TPTE2: variants seen among roughly 807,000 people sequenced by gnomAD.
TPTE2 encodes the protein transmembrane phosphoinositide 3-phosphatase and tensin homolog 2, also known as phosphatidylinositol 3,4,5-trisphosphate 3-phosphatase TPTE2.
Under a neutral mutation model 78.6 loss-of-function variants are expected in TPTE2, and 53 were observed. That is an observed-to-expected ratio of 0.67 (90% CI 0.54 to 0.85). The LOEUF is 0.85. TPTE2 is among the 40% of genes least tolerant of loss of function. The pLI is 0.00. For synonymous variants in TPTE2, 175 were observed against 206.2 expected (o/e 0.85, Z 1.30); for missense variants, 461 against 623.0 (o/e 0.74, Z 2.77).
chr13:19,480,894 T>C (rs148918132), intron 4 of TPTE2, among the ~76,000 whole-genome samples: 1 of 152,312 alleles, frequency 6.6e-6, no homozygotes, highest in Non-Finnish European at 1.5e-5. Context: ...GCCTCAAATA[T>C]ATTCATTTTT....
At chr13:19,430,854 T>C (rs2497228) in intron 16 of TPTE2, among the ~76,000 whole-genome samples, 143,376 of 152,202 alleles carry the variant, frequency 0.94, 68,148 homozygotes, top group East Asian at 1. Context: ...AGGCCGGGCA[T>C]GGTGGCTCAC....
At chr13:19,553,459 A>T in the TPTE2 span, among the ~76,000 whole-genome samples, 4 of 152,130 alleles carry the variant, frequency 2.6e-5, no homozygotes, top group African/African-American at 9.7e-5. Flanking sequence ...CCAAGAGATA[A>T]TACATGTCCA....
At chr13:19,525,027 T>G (rs552748230) in intron 1 of TPTE2, among the ~76,000 whole-genome samples, 1 of 152,266 alleles carries the variant, frequency 6.6e-6, no homozygotes, top group East Asian at 1.9e-4. Flanking sequence ...ATGATAATTT[T>G]GTTTTATGTA....
chr13:19,491,743 T>C (rs1433274893), intron 3 of TPTE2, among the ~76,000 whole-genome samples: 1 of 152,102 alleles, frequency 6.6e-6, no homozygotes, highest in Non-Finnish European at 1.5e-5. Flanking sequence ...GAAAATCGCT[T>C]GAACCCGGGA....
At chr13:19,451,843 G>GTGTGTA (rs1555249617) in intron 10 of TPTE2, among the ~76,000 whole-genome samples, 1,993 of 147,090 alleles carry the variant, frequency 0.014, 60 homozygotes, top group East Asian at 0.1. Context: ...GTGTGTGTGT[G>GTGTGTA]TATATATGTA....
At chr13:19,532,760 A>G (rs899577162) in intron 1 of TPTE2, among the ~76,000 whole-genome samples, 1 of 152,164 alleles carries the variant, frequency 6.6e-6, no homozygotes, top group African/African-American at 2.4e-5. Flanking sequence ...TTGAGTGCCC[A>G]TCTTGGGCCT....
At chr13:19,462,260 A>C (rs957308146) in intron 10 of TPTE2, among the ~76,000 whole-genome samples, 79 of 152,238 alleles carry the variant, frequency 5.2e-4, no homozygotes, top group African/African-American at 1.8e-3. Flanking sequence ...GAACCACCTT[A>C]AAGCAGTCCT....
intron 19 of TPTE2, among the ~76,000 whole-genome samples, chr13:19,424,486 T>C (rs1875867394): frequency 6.6e-6 from 1 of 152,246 alleles, no homozygotes; most frequent in Admixed American, 6.5e-5. Flanking sequence ...TACTGTGTCT[T>C]GTAACTTCTC....
chr13:19,496,626 C>G (rs188489598), intron 1 of TPTE2, among the ~76,000 whole-genome samples: 2 of 152,330 alleles, frequency 1.3e-5, no homozygotes, highest in Non-Finnish European at 2.9e-5. Flanking sequence ...AGGGACAAGT[C>G]CATGTTCCAT....
the TPTE2 span, among the ~76,000 whole-genome samples, chr13:19,551,311 C>T: frequency 5.3e-5 from 8 of 152,178 alleles, no homozygotes; most frequent in African/African-American, 1.9e-4. Context: ...ATATACAGGC[C>T]GGGTATGGTG....
intron 15 of TPTE2, among the ~76,000 whole-genome samples, 173 bp downstream of exon 18, chr13:19,436,053 C>A (rs1379598847): frequency 6.6e-6 from 1 of 152,140 alleles, no homozygotes; most frequent in Non-Finnish European, 1.5e-5. Context: ...AGCATGTGGG[C>A]AGCACCTGAA....
chr13:19,557,130 AT>A, the TPTE2 span, among the ~76,000 whole-genome samples: 5 of 152,140 alleles, frequency 3.3e-5, no homozygotes, highest in Non-Finnish European at 5.9e-5. Context: ...GTATATCTTT[AT>A]GTAATAGCAT....
At chr13:19,448,270 G>A (rs2137524184) in intron 13 of TPTE2, among the ~76,000 whole-genome samples, 1 of 152,288 alleles carries the variant, frequency 6.6e-6, no homozygotes, top group Middle Eastern at 3.4e-3. Flanking sequence ...TCTGGGCCAA[G>A]ATATTTTTGG....
At chr13:19,472,457 T>C (rs1266004883) in intron 6 of TPTE2, among the ~76,000 whole-genome samples, 2 of 152,252 alleles carry the variant, frequency 1.3e-5, no homozygotes, top group African/African-American at 2.4e-5. Flanking sequence ...CTCTAATGCA[T>C]TCTTTGGTGT....
chr13:19,439,644 A>C (rs1037234940), intron 13 of TPTE2, among the ~76,000 whole-genome samples: 3 of 152,272 alleles, frequency 2.0e-5, no homozygotes, highest in Non-Finnish European at 4.4e-5. Flanking sequence ...GACAATAAAC[A>C]ATTCAAAGCT....
intron 14 of TPTE2, among the ~76,000 whole-genome samples, chr13:19,437,172 A>G (rs539047539): frequency 1.3e-5 from 2 of 152,282 alleles, no homozygotes; most frequent in South Asian, 4.2e-4. Flanking sequence ...ACTCACTGAT[A>G]AATCATGATC....
intron 13 of TPTE2, among the ~76,000 whole-genome samples, chr13:19,439,760 C>T (rs1457052926): frequency 6.6e-6 from 1 of 152,140 alleles, no homozygotes; most frequent in African/African-American, 2.4e-5. Flanking sequence ...AATAAGAAAT[C>T]AATCAGAACT....
the TPTE2 span, among the ~76,000 whole-genome samples, chr13:19,542,669 T>C: frequency 1.3e-5 from 2 of 152,092 alleles, no homozygotes; most frequent in African/African-American, 4.8e-5. Context: ...CTTGGCTTCA[T>C]AAAAGTGTAA....
the TPTE2 span, among the ~76,000 whole-genome samples, chr13:19,554,408 A>T: frequency 4.6e-5 from 7 of 151,294 alleles, no homozygotes; most frequent in African/African-American, 1.2e-4. Flanking sequence ...AAATATAAAA[A>T]ATAAAATAAA....
Sources: allele counts gnomAD v4.1 joint callset (sites outside exome capture counted in the v4.1 genomes callset), GRCh38; gene constraint gnomAD v4.1.1; transcripts MANE v1.5; gene names NCBI Gene and HGNC (gene_info 2026-07-23, HGNC 2026-07-21).